The following ABCB11 variants were observed in gnomAD, a reference collection of about 807,000 sequenced individuals.
ABCB11 encodes the protein ATP binding cassette subfamily B member 11.
Under a neutral mutation model 148.0 loss-of-function variants are expected in ABCB11, and 95 were observed. That is an observed-to-expected ratio of 0.64 (90% CI 0.54 to 0.76). ABCB11 has a LOEUF of 0.76. Ranked by LOEUF, ABCB11 falls within the 30% of genes least tolerant of loss-of-function variation. ABCB11 has a pLI of 0.00. For synonymous variants in ABCB11, 591 were observed against 555.4 expected, an observed-to-expected ratio of 1.06 and a Z score of -0.90; for missense variants, 1,523 against 1,617.8, an observed-to-expected ratio of 0.94 and a Z score of 1.01.
intron 5 of ABCB11, among the ~76,000 whole-genome samples, chr2:169,000,932 A>AT (rs1009069226): frequency 3.3e-5 from 5 of 151,852 alleles, no homozygotes; most frequent in Non-Finnish European, 5.9e-5. Flanking sequence ...CTGCTTGAAC[A>AT]TTTTTTTAGA....
chr2:168,972,153 A>T, intron 13 of ABCB11, 103 bp from the exon 14 acceptor site: 2 of 999,844 alleles, frequency 2.0e-6, no homozygotes, highest in Non-Finnish European at 1.5e-6. Flanking sequence ...ATAGAGGCCA[A>T]TAAGATTCTA....
At chr2:168,984,934 G>A (rs1423884061) in intron 10 of ABCB11, among the ~76,000 whole-genome samples, 1 of 152,056 alleles carries the variant, frequency 6.6e-6, no homozygotes, top group Non-Finnish European at 1.5e-5. Flanking sequence ...AAATAGGTGA[G>A]ACTTAATTAA....
chr2:168,933,740 A>G (rs899743069), intron 23 of ABCB11, among the ~76,000 whole-genome samples: 5 of 115,982 alleles, frequency 4.3e-5, no homozygotes, highest in African/African-American at 1.7e-4. Flanking sequence ...AGTTTTCTGT[A>G]GTTCCACTTT....
At chr2:168,919,673 G>T (rs1017668577), downstream of ABCB11, among the ~76,000 whole-genome samples, 1 of 151,546 alleles carries the variant, frequency 6.6e-6, no homozygotes, top group Non-Finnish European at 1.5e-5. Flanking sequence ...AAAAGATGGG[G>T]AGTAGAGGTG....
At chr2:168,965,356 A>G (rs1693258435) in intron 17 of ABCB11, among the ~76,000 whole-genome samples, 1 of 151,770 alleles carries the variant, frequency 6.6e-6, no homozygotes, top group Admixed American at 6.6e-5. Flanking sequence ...GGTTAATCTT[A>G]AAGTATTTAG....
chr2:168,998,584 A>G (rs1694785852), intron 5 of ABCB11, among the ~76,000 whole-genome samples: 1 of 140,178 alleles, frequency 7.1e-6, no homozygotes, highest in African/African-American at 2.6e-5. Flanking sequence ...TTATGTGACA[A>G]TTAAAATGAT....
At chr2:168,923,947 A>G (rs2105874349) in intron 27 of ABCB11, 125 bp from the exon 28 acceptor site, 4 of 831,324 alleles carry the variant, frequency 4.8e-6, no homozygotes, top group Non-Finnish European at 7.7e-6. Context: ...CAAAGGCTCA[A>G]CATAAGAGAG....
chr2:168,939,011 TA>T (rs1396224743), intron 21 of ABCB11, among the ~76,000 whole-genome samples: 4 of 152,100 alleles, frequency 2.6e-5, no homozygotes, highest in African/African-American at 9.7e-5. Context: ...CAGATCAATA[TA>T]TAGGAACACT....
In ABCB11 at chr2:168,976,571, A is replaced by G. The variant is rs1335386391; in HGVS notation, c.1308+6T>C. The stretch of plus-strand genomic sequence containing the variant: ...TTACTATTCTGGGGAACAGACCAGC[A>G]CTCACCTTCACCTCTGGTCTGGAAG... On this transcript the variant is annotated splice_donor_region_variant and intron_variant, in intron 12 of 27. Transcript: ENST00000650372. The G allele has an allele frequency of 6.6e-7, 1 of 1,511,510 alleles. No individual in the cohort carries two copies. The highest frequency in any genetic ancestry group is 9.1e-7 in the Non-Finnish European group (1 of 1,095,344). 93.6% of individuals were successfully genotyped at this position (1,511,510 alleles called of 1,614,324 possible).
intron 3 of ABCB11, among the ~76,000 whole-genome samples, chr2:169,015,163 T>A (rs1391752753): frequency 6.6e-6 from 1 of 152,158 alleles, no homozygotes; most frequent in Non-Finnish European, 1.5e-5. Context: ...AAGGTCCCTC[T>A]GCCAGGCATT....
At chr2:168,942,314 T>G (rs1480202637) in intron 21 of ABCB11, among the ~76,000 whole-genome samples, 1 of 151,866 alleles carries the variant, frequency 6.6e-6, no homozygotes, top group Non-Finnish European at 1.5e-5. Flanking sequence ...CTACTGTGTA[T>G]GTATGTGTGC....
At chr2:168,950,694 A>G (rs754780992) in intron 19 of ABCB11, among the ~76,000 whole-genome samples, 6 of 151,460 alleles carry the variant, frequency 4.0e-5, no homozygotes, top group Non-Finnish European at 7.4e-5. Context: ...GTTGGATGTA[A>G]TGTTTGTAAA....
chr2:168,964,898 C>A (rs1281920784), intron 17 of ABCB11, among the ~76,000 whole-genome samples: 1 of 151,750 alleles, frequency 6.6e-6, no homozygotes, highest in Non-Finnish European at 1.5e-5. Context: ...TCAACAGAAG[C>A]TTATTGGGCA....
At chr2:168,959,934 C>CAAAAAAAAAAAAAAAAAAAAAAAAAA (rs375450217) in intron 18 of ABCB11, among the ~76,000 whole-genome samples, 1 of 87,202 alleles carries the variant, frequency 1.1e-5, no homozygotes, top group African/African-American at 4.7e-5. Context: ...ACTGCATCTC[C>CAAAAAAAAAAAAAAAAAAAAAAAAAA]AAAAAAAAAA....
chr2:168,972,441 G>A (rs1034098297), intron 13 of ABCB11, among the ~76,000 whole-genome samples: 2 of 109,304 alleles, frequency 1.8e-5, no homozygotes, highest in Non-Finnish European at 4.1e-5. Context: ...TCCCTATCTT[G>A]TATATATGAT....
chr2:168,985,130 C>A (rs1018941339), intron 10 of ABCB11, among the ~76,000 whole-genome samples: 1 of 151,546 alleles, frequency 6.6e-6, no homozygotes. Flanking sequence ...AAATGGCCAA[C>A]AAACATATGA....
At chr2:168,981,246 C>T (rs775892908) in intron 10 of ABCB11, among the ~76,000 whole-genome samples, 3 of 152,122 alleles carry the variant, frequency 2.0e-5, no homozygotes, top group Non-Finnish European at 2.9e-5. Context: ...TCATTCCACA[C>T]ATTAGGATGA....
intron 25 of ABCB11, among the ~76,000 whole-genome samples, chr2:168,928,478 TAA>T (rs1434392358): frequency 1.3e-5 from 2 of 151,940 alleles, no homozygotes; most frequent in African/African-American, 4.8e-5. Flanking sequence ...AAAAAAAACA[TAA>T]AAAGTGGTAG....
chr2:169,025,295 C>T (rs984011765), intron 1 of ABCB11, among the ~76,000 whole-genome samples: 12 of 152,142 alleles, frequency 7.9e-5, no homozygotes, highest in African/African-American at 4.8e-5. Context: ...CTTCACTCTA[C>T]GTAGTTGGAT....
Sources: allele counts gnomAD v4.1 joint callset (sites outside exome capture counted in the v4.1 genomes callset), GRCh38; gene constraint gnomAD v4.1.1; transcripts MANE v1.5; gene names NCBI Gene and HGNC (gene_info 2026-07-23, HGNC 2026-07-21).